Variants in DNM3 observed in about 807,000 individuals in gnomAD.
DNM3 encodes dynamin 3.
A neutral mutation model predicts 101.6 loss-of-function variants in DNM3; 47 were observed. The ratio of observed to expected loss-of-function variants is 0.46; its 90% CI spans 0.37 to 0.59. The LOEUF is 0.59. DNM3 is among the 20% of genes least tolerant of loss of function. The pLI is 0.00. For synonymous variants in DNM3, 385 were observed against 387.9 expected, an observed-to-expected ratio of 0.99 and a Z score of 0.09; for missense variants, 849 against 1,085.7, an observed-to-expected ratio of 0.78 and a Z score of 3.06.
intron 2 of DNM3, among the ~76,000 whole-genome samples, chr1:171,934,457 C>T (rs190420848): frequency 6.6e-6 from 1 of 152,328 alleles, no homozygotes; most frequent in African/African-American, 2.4e-5. Context: ...CAAAGCTATA[C>T]TAGTCAGCAT....
chr1:171,903,539 A>G (rs1285063124), intron 1 of DNM3, among the ~76,000 whole-genome samples: 5 of 152,220 alleles, frequency 3.3e-5, no homozygotes, highest in East Asian at 1.9e-4. Flanking sequence ...GAAGGTAAGT[A>G]TACTATTGTT....
rs1340775720 is a variant in DNM3 at position 172,332,879 on chromosome 1, C to T, written c.1893+9539C>T. 2.6e-5 allele frequency among the ~76,000 whole-genome samples: 4 copies of T among 152,224 alleles called. No individual in the cohort carries two copies. In the East Asian group the frequency reaches 5.8e-4, roughly 22 times the overall value. ...TGGATGACTCTCACTATCCAAATGG[C>T]GACATCTTCTAGGCAGTTACATATG... On this transcript the variant is annotated intron_variant, in intron 17 of 20. Transcript: ENST00000627582.
chr1:172,001,803 C>T lies in DNM3; in HGVS notation c.589+12655C>T, dbSNP rs774703889. Among the ~76,000 whole-genome samples, 27 of 152,000 alleles carry T rather than the reference C, an allele frequency of 1.8e-4. 1 individual carries two copies. The highest frequency in any genetic ancestry group is 1.5e-3 in the South Asian group (7 of 4,818). On this transcript the variant is annotated intron_variant, in intron 4 of 20. Coordinates refer to ENST00000627582, the MANE Select transcript of DNM3 (RefSeq NM_015569.5). ...TAAATTCATCTTATGGGGGTGTGTC[C>T]CTACATACCTCCTTCAGCGTTTGCT...
intron 16 of DNM3, among the ~76,000 whole-genome samples, chr1:172,316,983 T>G (rs2065403560): frequency 6.6e-6 from 1 of 152,138 alleles, no homozygotes; most frequent in South Asian, 2.1e-4. Context: ...GACCACATAC[T>G]GGGAAGTAAA....
chr1:171,885,244 G>A (rs965792656), intron 1 of DNM3, among the ~76,000 whole-genome samples: 1 of 151,894 alleles, frequency 6.6e-6, no homozygotes, highest in Non-Finnish European at 1.5e-5. Context: ...ATTGTTTTAC[G>A]GAAAAATAAA....
intron 20 of DNM3, chr1:172,394,015 T>G (rs976594055): frequency 6.6e-6 from 1 of 152,230 alleles, no homozygotes; most frequent in African/African-American, 2.4e-5. Flanking sequence ...AAATATCCAA[T>G]TTAATATAAG....
intron 20 of DNM3, among the ~76,000 whole-genome samples, chr1:172,395,259 C>T (rs780618706): frequency 6.6e-6 from 1 of 151,832 alleles, no homozygotes; most frequent in Non-Finnish European, 1.5e-5. Flanking sequence ...CAACCCCTGC[C>T]TCCTGGCTTC....
At chr1:172,359,918 T>C (rs2067655939) in intron 17 of DNM3, among the ~76,000 whole-genome samples, 1 of 152,022 alleles carries the variant, frequency 6.6e-6, no homozygotes, top group South Asian at 2.1e-4. Flanking sequence ...TGGATTCCTG[T>C]TGCACATAAC....
At position 171,841,683 on chromosome 1, in the gene DNM3, G is replaced by A; in HGVS notation, c.27G>A (p.Leu9=). The A allele has an allele frequency of 6.2e-7, 1 of 1,611,834 alleles. No individual in the cohort carries two copies. The highest frequency in any genetic ancestry group is 8.5e-7 in the Non-Finnish European group (1 of 1,179,268). The change falls in exon 1 of 21, where the codon CTG becomes CTA. Residue 9 remains leucine, a synonymous_variant. Coordinates refer to ENST00000627582, the MANE Select transcript of DNM3 (RefSeq NM_015569.5). Reference sequence around the variant, plus strand: ...TGGGGAACCGGGAGATGGAGGAGCTGATCCCGCTGGTGAACCGTCTGCAGG... The same window carrying A: ...TGGGGAACCGGGAGATGGAGGAGCTAATCCCGCTGGTGAACCGTCTGCAGG... MGNREMEE[L]IPLVNRLQDA...
At chr1:172,305,107 A>G (rs949334185) in intron 15 of DNM3, among the ~76,000 whole-genome samples, 1 of 152,230 alleles carries the variant, frequency 6.6e-6, no homozygotes, top group Non-Finnish European at 1.5e-5. Flanking sequence ...CATTTTTTGA[A>G]AAGATCAACA....
At chr1:172,046,337 T>G (rs1022997262) in intron 9 of DNM3, among the ~76,000 whole-genome samples, 2 of 152,002 alleles carry the variant, frequency 1.3e-5, no homozygotes, top group African/African-American at 4.8e-5. Context: ...TTCTCACTCA[T>G]AGATGGGAAT....
chr1:172,089,528 A>G (rs1233745547), intron 12 of DNM3, among the ~76,000 whole-genome samples: 2 of 152,210 alleles, frequency 1.3e-5, no homozygotes. Flanking sequence ...GAAAGAATGT[A>G]TTCTAAGCAG....
intron 18 of DNM3, among the ~76,000 whole-genome samples, chr1:172,386,417 CT>C (rs1355425418): frequency 6.6e-6 from 1 of 152,236 alleles, no homozygotes; most frequent in Admixed American, 6.5e-5. Context: ...GCCCCTCCCC[CT>C]GAGACTCCCA....
chr1:171,898,265 C>A (rs1571490412), intron 1 of DNM3, among the ~76,000 whole-genome samples: 1 of 152,122 alleles, frequency 6.6e-6, no homozygotes, highest in Non-Finnish European at 1.5e-5. Flanking sequence ...TAGTACATTT[C>A]TTATTACCAT....
At chr1:172,164,333 A>G (rs1047442035) in intron 14 of DNM3, among the ~76,000 whole-genome samples, 1 of 147,984 alleles carries the variant, frequency 6.8e-6, no homozygotes. Context: ...GGGTGCTATT[A>G]CTTAGTATTA....
Position 172,017,927 on chromosome 1 carries a change from TG to T in DNM3, c.590-14474del, listed in dbSNP as rs765656563. Among the ~76,000 whole-genome samples the T allele has an allele frequency of 4.6e-5, 7 of 152,180 alleles. 1 individual carries two copies. The highest frequency in any genetic ancestry group is 1.0e-4 in the Non-Finnish European group (7 of 68,006). Reference sequence around the variant, plus strand: ...GAATTGTTATGCCTTCTTAGAGAAATGACCTTTTTATTATTATATAATGCCC... The same window carrying T: ...GAATTGTTATGCCTTCTTAGAGAAATACCTTTTTATTATTATATAATGCCC... On this transcript the variant is annotated intron_variant, in intron 4 of 20. Coordinates refer to ENST00000627582, the MANE Select transcript of DNM3 (RefSeq NM_015569.5).
At chr1:171,880,063 T>G (rs758144141) in intron 1 of DNM3, among the ~76,000 whole-genome samples, 2 of 152,220 alleles carry the variant, frequency 1.3e-5, no homozygotes, top group Non-Finnish European at 2.9e-5. Flanking sequence ...GTTTTTAGTT[T>G]TCTGGCATCT....
intron 14 of DNM3, among the ~76,000 whole-genome samples, chr1:172,191,133 G>A (rs1288640448): frequency 6.6e-6 from 1 of 151,966 alleles, no homozygotes; most frequent in African/African-American, 2.4e-5. Context: ...TTTTTTCTGG[G>A]GTTTTTATGG....
intron 2 of DNM3, among the ~76,000 whole-genome samples, chr1:171,969,152 A>C (rs1209642648): frequency 6.6e-6 from 1 of 152,168 alleles, no homozygotes; most frequent in Non-Finnish European, 1.5e-5. Context: ...CTCATCATAA[A>C]GGTCATGGCT....
Sources: allele counts gnomAD v4.1 joint callset (sites outside exome capture counted in the v4.1 genomes callset), GRCh38; gene constraint gnomAD v4.1.1; transcripts MANE v1.5; gene names NCBI Gene and HGNC (gene_info 2026-07-23, HGNC 2026-07-21).